PTPRD: variants seen among roughly 807,000 people sequenced by gnomAD.
PTPRD encodes receptor-type tyrosine-protein phosphatase delta.
PTPRD carries 34 observed loss-of-function variants against 214.5 expected under a neutral mutation model. The ratio of observed to expected loss-of-function variants is 0.16; its 90% CI spans 0.12 to 0.21. The LOEUF is 0.21. Among genes scored for constraint, PTPRD ranks in the 10% least tolerant of loss-of-function variants. The pLI, the probability that PTPRD is intolerant of heterozygous loss-of-function variation, is 1.00. For synonymous variants in PTPRD, 1,128 were observed against 845.7 expected, an observed-to-expected ratio of 1.33 and a Z score of -5.79; for missense variants, 2,545 against 2,398.7, an observed-to-expected ratio of 1.06 and a Z score of -1.27.
chr9:8,318,054 T>C, intron 45 of PTPRD, 112 bp from the exon 46 acceptor site: 2 of 991,602 alleles, frequency 2.0e-6, no homozygotes, highest in Non-Finnish European at 3.1e-6. Context: ...AGGGGCAAAA[T>C]CACTACTTTC....
chr9:10,496,123 C>T (rs1041009799), intron 2 of PTPRD, among the ~76,000 whole-genome samples: 6 of 151,510 alleles, frequency 4.0e-5, no homozygotes, highest in African/African-American at 1.2e-4. Flanking sequence ...AATATTTTAA[C>T]ATTAAAAAAC....
At chr9:10,069,022 T>C (rs546252181) in intron 3 of PTPRD, among the ~76,000 whole-genome samples, 94 of 152,112 alleles carry the variant, frequency 6.2e-4, no homozygotes, top group African/African-American at 2.1e-3. Context: ...GCAAAATTAG[T>C]TCTTTGTCCT....
intron 5 of PTPRD, among the ~76,000 whole-genome samples, chr9:9,936,978 A>C: frequency 6.6e-6 from 1 of 151,652 alleles, no homozygotes; most frequent in Non-Finnish European, 1.5e-5. Context: ...CACAAGAACA[A>C]AAAACCAAAC....
At chr9:9,045,079 T>C (rs1013246656) in intron 10 of PTPRD, among the ~76,000 whole-genome samples, 2 of 152,204 alleles carry the variant, frequency 1.3e-5, no homozygotes, top group African/African-American at 4.8e-5. Flanking sequence ...ATGATTGTCA[T>C]TTCCAACCAA....
intron 14 of PTPRD, among the ~76,000 whole-genome samples, chr9:8,624,212 CAG>C (rs934517117): frequency 9.2e-5 from 14 of 151,654 alleles, no homozygotes; most frequent in Admixed American, 2.6e-4. Context: ...ACAAATGTAA[CAG>C]GGGGAAAAAA....
chr9:10,404,215 G>A (rs1587402509), intron 2 of PTPRD, among the ~76,000 whole-genome samples: 2 of 151,756 alleles, frequency 1.3e-5, no homozygotes, highest in South Asian at 4.1e-4. Flanking sequence ...AACAAATGCA[G>A]AGCTGAGATT....
At chr9:8,691,250 A>T (rs2097794270) in intron 12 of PTPRD, among the ~76,000 whole-genome samples, 1 of 152,150 alleles carries the variant, frequency 6.6e-6, no homozygotes, top group Admixed American at 6.5e-5. Flanking sequence ...CATTTTGATT[A>T]AAGAGGTCGT....
rs572334239 is a variant in PTPRD, at chr9:9,100,226, T to C, written c.-142-81491A>G. On this transcript the variant is annotated intron_variant, in intron 10 of 45. Transcript: ENST00000381196. ...CTTCTTACCATAATTCAAAAACATA[T>C]CAGATAAATATGCCTACCAGCCTAT... Among the ~76,000 whole-genome samples the C allele has an allele frequency of 3.0e-3, 461 of 152,142 alleles. 2 individuals carry two copies. Among genetic ancestry groups the C allele is most frequent in the African/African-American group, 0.011 (440 of 41,532 alleles).
At chr9:10,215,508 A>T (rs549881411) in intron 3 of PTPRD, among the ~76,000 whole-genome samples, 1 of 152,222 alleles carries the variant, frequency 6.6e-6, no homozygotes, top group Admixed American at 6.6e-5. Context: ...GGCAACATTA[A>T]GTTAATTAAT....
intron 2 of PTPRD, among the ~76,000 whole-genome samples, chr9:10,454,037 C>T (rs1165094128): frequency 6.6e-6 from 1 of 151,430 alleles, no homozygotes; most frequent in East Asian, 1.9e-4. Flanking sequence ...AAGCATAATA[C>T]AAGATAGTAT....
rs367843524 is a variant in PTPRD at position 10,301,924 on chromosome 9, C to T, written c.-545+39039G>A. 8.3e-4 allele frequency among the ~76,000 whole-genome samples: 127 copies of T among 152,154 alleles called. 3 individuals are homozygous for T. In the South Asian group the frequency reaches 0.022, roughly 27 times the overall value. On this transcript the variant is annotated intron_variant, in intron 3 of 45. Transcript: ENST00000381196. ...CAAATTCAGGAAATACAGAGAACAC[C>T]ACAAAGATACTCCTTGAGAAGAGCA...
At chr9:8,939,988 A>T (rs1214526368) in intron 11 of PTPRD, among the ~76,000 whole-genome samples, 1 of 151,932 alleles carries the variant, frequency 6.6e-6, no homozygotes, top group African/African-American at 2.4e-5. Context: ...CAGAGTAGCA[A>T]GGAATAAAAT....
At chr9:9,539,781 ATAT>A (rs1273382089) in intron 8 of PTPRD, among the ~76,000 whole-genome samples, 2 of 151,926 alleles carry the variant, frequency 1.3e-5, no homozygotes, top group African/African-American at 4.8e-5. Flanking sequence ...TTGGTTCAGC[ATAT>A]AGGAAAAGCA....
chr9:8,719,442 T>C (rs992879437), intron 12 of PTPRD, among the ~76,000 whole-genome samples: 7 of 152,216 alleles, frequency 4.6e-5, no homozygotes. Context: ...ATCAAACTAA[T>C]CTCTTCCCTT....
intron 15 of PTPRD, 63 bp from the exon 16 acceptor site, chr9:8,527,416 T>C: frequency 6.7e-7 from 1 of 1,496,264 alleles, no homozygotes; most frequent in Non-Finnish European, 9.2e-7. Context: ...TCCTTATAAT[T>C]TGGTACAAAT....
chr9:9,350,768 T>C (rs1472452583), intron 9 of PTPRD, among the ~76,000 whole-genome samples: 2 of 152,144 alleles, frequency 1.3e-5, no homozygotes, highest in African/African-American at 2.4e-5. Context: ...AACACTATAG[T>C]ACAATATAAA....
intron 8 of PTPRD, among the ~76,000 whole-genome samples, chr9:9,407,745 A>G (rs1164906056): frequency 6.6e-6 from 1 of 151,760 alleles, no homozygotes; most frequent in African/African-American, 2.4e-5. Context: ...GATTTTTGCA[A>G]GGAATAAATT....
intron 2 of PTPRD, among the ~76,000 whole-genome samples, chr9:10,406,796 A>G (rs1026288476): frequency 2.4e-5 from 2 of 84,792 alleles, no homozygotes; most frequent in African/African-American, 6.9e-5. Flanking sequence ...AATAGATGTA[A>G]AAAGATTTTG....
chr9:9,333,378 G>A (rs1322499452), intron 9 of PTPRD, among the ~76,000 whole-genome samples: 5 of 151,082 alleles, frequency 3.3e-5, no homozygotes. Context: ...ATGGAGTAAA[G>A]ACAGAGAGAG....
Sources: gnomAD v4.1 joint callset for allele counts (sites outside exome capture counted in the v4.1 genomes callset) on GRCh38, gnomAD v4.1.1 for gene constraint, MANE v1.5 for transcripts, NCBI Gene and HGNC (gene_info 2026-07-23, HGNC 2026-07-21) for gene names.